SH3D19: variants seen among roughly 807,000 people sequenced by gnomAD.
SH3D19 encodes SH3 domain containing 19, also known as SH3 domain-containing protein 19.
A neutral mutation model predicts 112.1 loss-of-function variants in SH3D19; 58 were observed. That is an observed-to-expected ratio of 0.52 (90% CI 0.42 to 0.64). SH3D19 has a LOEUF of 0.64. Among genes scored for constraint, SH3D19 ranks in the 30% least tolerant of loss-of-function variants. The pLI is 0.00. For synonymous variants in SH3D19, 391 were observed against 448.5 expected (o/e 0.87, Z 1.62); for missense variants, 1,090 against 1,263.4 (o/e 0.86, Z 2.08).
chr4:151,234,164 A>C (rs1376059669), intron 1 of SH3D19, among the ~76,000 whole-genome samples: 1 of 152,232 alleles, frequency 6.6e-6, no homozygotes, highest in Non-Finnish European at 1.5e-5. Context: ...AAAACAAAAA[A>C]CGCACAGGAA....
intron 4 of SH3D19, among the ~76,000 whole-genome samples, chr4:151,177,432 T>A (rs570860846): frequency 6.6e-6 from 1 of 152,162 alleles, no homozygotes; most frequent in South Asian, 2.1e-4. Context: ...CCCTGCAACC[T>A]CCGCCTCTCA....
intron 2 of SH3D19, among the ~76,000 whole-genome samples, chr4:151,208,825 C>T (rs1423081789): frequency 1.3e-5 from 2 of 151,800 alleles, no homozygotes; most frequent in African/African-American, 2.4e-5. Context: ...CTACAGGCGC[C>T]CACCACCACG....
intron 2 of SH3D19, among the ~76,000 whole-genome samples, chr4:151,217,237 GC>G (rs1767281003): frequency 6.6e-6 from 1 of 152,122 alleles, no homozygotes; most frequent in African/African-American, 2.4e-5. Context: ...AAAGAGAACA[GC>G]TAAAACAAGT....
intron 1 of SH3D19, among the ~76,000 whole-genome samples, chr4:151,244,267 T>G (rs543848115): frequency 1.3e-5 from 2 of 152,102 alleles, no homozygotes; most frequent in African/African-American, 4.8e-5. Flanking sequence ...GGGTTTTTGG[T>G]TTTGTTTTGT....
At chr4:151,227,522 G>T (rs1043524084) in intron 1 of SH3D19, among the ~76,000 whole-genome samples, 2 of 152,104 alleles carry the variant, frequency 1.3e-5, no homozygotes, top group African/African-American at 4.8e-5. Flanking sequence ...AAACTTTTCT[G>T]TTTTAATTTA....
chr4:151,287,505 AAGG>A, intron 1 of SH3D19, among the ~76,000 whole-genome samples: 1 of 152,120 alleles, frequency 6.6e-6, no homozygotes, highest in Non-Finnish European at 1.5e-5. Context: ...AACATATAAA[AAGG>A]ACTATATATA....
At chr4:151,245,963 T>A (rs1025444766) in intron 1 of SH3D19, among the ~76,000 whole-genome samples, 1 of 150,902 alleles carries the variant, frequency 6.6e-6, no homozygotes, top group African/African-American at 2.4e-5. Flanking sequence ...GTTTAAAGAT[T>A]GGGATGAAGT....
At chr4:151,194,383 T>C (rs148207831) in intron 2 of SH3D19, among the ~76,000 whole-genome samples, 1 of 151,944 alleles carries the variant, frequency 6.6e-6, no homozygotes, top group African/African-American at 2.4e-5. Flanking sequence ...ATAAAAAGGA[T>C]AGCATAGGTC....
chr4:151,280,355 A>C (rs545123951), intron 1 of SH3D19, among the ~76,000 whole-genome samples: 1 of 152,122 alleles, frequency 6.6e-6, no homozygotes, highest in East Asian at 1.9e-4. Context: ...AGAAGACCCA[A>C]AGCCTACCAA....
At chr4:151,279,016 C>G in intron 1 of SH3D19, 1 of 273,466 alleles carries the variant, frequency 3.7e-6, no homozygotes, top group South Asian at 4.6e-5. Flanking sequence ...TGCTAGCTAC[C>G]AGCTAGAGCT....
chr4:151,300,093 C>G (rs556505820), intron 1 of SH3D19, among the ~76,000 whole-genome samples: 1 of 151,618 alleles, frequency 6.6e-6, no homozygotes, highest in Non-Finnish European at 1.5e-5. Context: ...CCCAGCTACT[C>G]GGGAGGCTGA....
In SH3D19 at chr4:151,175,361, C is replaced by T; in HGVS notation, c.843G>A (p.Met281Ile). 2 of 1,604,300 alleles carry T rather than the reference C, an allele frequency of 1.2e-6. No homozygotes were observed. Among genetic ancestry groups the T allele is most frequent in the Non-Finnish European group, 8.5e-7 (1 of 1,175,206 alleles). ...NASTSDSQAV[M>I]NIMNTEQSQN... ...GGCTTTGTTCTGTGTTCATAATGTT[C>T]ATCACTGCCTGACTGTCTGAGGTGC... is the stretch of plus-strand genomic sequence containing the variant. Residue 281 changes from methionine to isoleucine, a missense_variant, in exon 7 of 20, where the codon ATG becomes ATA. Physicochemically the swap from Met to Ile is conservative, Grantham distance 10 (BLOSUM62 1). Transcript: ENST00000604030.
At chr4:151,226,545 T>C (rs1769034775) in intron 1 of SH3D19, 1 of 865,030 alleles carries the variant, frequency 1.2e-6, no homozygotes, top group South Asian at 5.3e-5. Context: ...CTAAGACCAA[T>C]ACAGCTTCAC....
At chr4:151,135,607 T>C (rs1414931086) in intron 14 of SH3D19, among the ~76,000 whole-genome samples, 6 of 152,082 alleles carry the variant, frequency 3.9e-5, no homozygotes, top group African/African-American at 1.2e-4. Flanking sequence ...TTTGTATTTT[T>C]AGTAGAGACA....
At chr4:151,185,922 C>G (rs1209350929) in intron 3 of SH3D19, among the ~76,000 whole-genome samples, 1 of 152,062 alleles carries the variant, frequency 6.6e-6, no homozygotes, top group Non-Finnish European at 1.5e-5. Context: ...TGCCTGTAAT[C>G]CCAGCTACTC....
chr4:151,160,056 T>A (rs1756863022), intron 8 of SH3D19, among the ~76,000 whole-genome samples: 1 of 151,678 alleles, frequency 6.6e-6, no homozygotes, highest in Admixed American at 6.6e-5. Context: ...CAACACTCCC[T>A]CATCCAAAAA....
intron 1 of SH3D19, among the ~76,000 whole-genome samples, chr4:151,289,446 T>C (rs1580420708): frequency 6.6e-6 from 1 of 152,176 alleles, no homozygotes; most frequent in East Asian, 1.9e-4. Context: ...AGGTAGCCTA[T>C]GAAACGGAAG....
chr4:151,282,393 G>C (rs763174714), intron 1 of SH3D19: 1 of 1,613,866 alleles, frequency 6.2e-7, no homozygotes, highest in Non-Finnish European at 8.5e-7. Flanking sequence ...ACCGGATGGG[G>C]AAAAGTTAAG....
In SH3D19 at chr4:151,121,768, A is replaced by T; in HGVS notation, c.*323T>A. 1 of 200,618 alleles carries T rather than the reference A, an allele frequency of 5.0e-6. No homozygotes were observed. The highest frequency in any genetic ancestry group is 9.9e-6 in the Non-Finnish European group (1 of 100,718). The allele number at this position is 200,618 out of a possible 1,614,324, so 12.4% of individuals were successfully genotyped here. A position where few individuals can be genotyped will look rare whatever the true frequency, so the allele number is the denominator to read the frequency against. ...CATGGTTAATTCACTTGTGCTGATT[A>T]AAACAGATGTCCACGTGCAACTTCT... On this transcript the variant is annotated 3_prime_UTR_variant, in exon 20 of 20. Transcript: ENST00000604030.
Sources: gnomAD v4.1 joint callset for allele counts (sites outside exome capture counted in the v4.1 genomes callset) on GRCh38, gnomAD v4.1.1 for gene constraint, MANE v1.5 for transcripts, NCBI Gene and HGNC (gene_info 2026-07-23, HGNC 2026-07-21) for gene names.